PCDHA11: variants seen among roughly 807,000 people sequenced by gnomAD.
PCDHA11 encodes protocadherin alpha-11.
Under a neutral mutation model 70.3 loss-of-function variants are expected in PCDHA11, and 61 were observed. The observed-to-expected ratio is 0.87, with a 90% CI of 0.71 to 1.07. The LOEUF is 1.07. Ranked by LOEUF, PCDHA11 falls within the 50% of genes least tolerant of loss-of-function variation. The pLI is 0.00. For missense variants in PCDHA11, 1,324 were observed against 1,237.5 expected, an observed-to-expected ratio of 1.07 and a Z score of -1.05; for synonymous variants, 633 against 555.1, an observed-to-expected ratio of 1.14 and a Z score of -1.97.
intron 1 of PCDHA11, chr5:140,966,215 A>G (rs1554228144): frequency 4.1e-6 from 1 of 244,868 alleles, no homozygotes; most frequent in Non-Finnish European, 7.7e-6. Flanking sequence ...CTTTTCCCAG[A>G]CTAATCTCCT....
intron 1 of PCDHA11, among the ~76,000 whole-genome samples, chr5:140,925,197 A>G (rs1259349657): frequency 1.3e-5 from 2 of 152,310 alleles, no homozygotes; most frequent in East Asian, 3.9e-4. Context: ...CCCAGCTTCA[A>G]TAATTATCGA....
chr5:140,903,431 A>G (rs1431018780), intron 1 of PCDHA11, among the ~76,000 whole-genome samples: 3 of 152,242 alleles, frequency 2.0e-5, no homozygotes, highest in South Asian at 2.1e-4. Context: ...CACAATATGT[A>G]TCAGTGGAAT....
intron 1 of PCDHA11, chr5:140,967,461 G>A (rs782466677): frequency 6.8e-6 from 11 of 1,613,572 alleles, no homozygotes; most frequent in Non-Finnish European, 8.5e-6. Context: ...GCCGTGGATG[G>A]GGGCATCCCA....
At chr5:140,912,220 C>T (rs1360868463) in intron 1 of PCDHA11, among the ~76,000 whole-genome samples, 1 of 151,800 alleles carries the variant, frequency 6.6e-6, no homozygotes, top group African/African-American at 2.4e-5. Flanking sequence ...ATCTGCCTTT[C>T]CCAGTCCACT....
intron 1 of PCDHA11, among the ~76,000 whole-genome samples, chr5:140,914,012 G>A (rs2153528687): frequency 6.6e-6 from 1 of 152,234 alleles, no homozygotes; most frequent in Admixed American, 6.5e-5. Context: ...CTATCTTTGA[G>A]AATGATCCAC....
intron 1 of PCDHA11, among the ~76,000 whole-genome samples, chr5:140,959,643 G>A (rs246006): frequency 0.56 from 85,684 of 152,026 alleles, 24,754 homozygotes; most frequent in African/African-American, 0.69. Flanking sequence ...AAAAAACACA[G>A]AAGCAAAATT....
Position 140,868,975 on chromosome 5 carries a change from A to G in PCDHA11, c.-129A>G, listed in dbSNP as rs1379610882. 4.1e-6 allele frequency: 6 copies of G among 1,479,060 alleles called. No individual in the cohort carries two copies. The South Asian group carries it at 7.0e-5, about 17-fold the overall frequency. The allele number at this position is 1,479,060 out of a possible 1,614,324, so 91.6% of individuals were successfully genotyped here. A position where few individuals can be genotyped will look rare whatever the true frequency, so the allele number is the denominator to read the frequency against. The stretch of plus-strand genomic sequence containing the variant: ...CACTCCCATACAAAGGAACTCCATC[A>G]TACCGGATGCCACCGTTTAAGGATC... On this transcript the variant is annotated 5_prime_UTR_variant, in exon 1 of 4. Transcript: ENST00000398640.
chr5:140,953,002 T>C (rs1019745922), intron 1 of PCDHA11, among the ~76,000 whole-genome samples: 5 of 152,142 alleles, frequency 3.3e-5, no homozygotes, highest in African/African-American at 1.2e-4. Flanking sequence ...ACTCTCTCAC[T>C]ATTATGAGAA....
intron 1 of PCDHA11, chr5:140,928,017 C>T (rs782665827): frequency 1.2e-6 from 2 of 1,614,064 alleles, no homozygotes; most frequent in East Asian, 4.5e-5. Flanking sequence ...ATGGTAGGGT[C>T]ATTTGTGGCA....
chr5:140,874,403 T>A (rs1013177734), intron 1 of PCDHA11, among the ~76,000 whole-genome samples: 2 of 152,198 alleles, frequency 1.3e-5, no homozygotes, highest in African/African-American at 4.8e-5. Context: ...TGCATAACAG[T>A]CACCATTCTG....
chr5:140,937,648 CACGCCTGTAATCCCAGCACT>C (rs1554211703), intron 1 of PCDHA11, among the ~76,000 whole-genome samples: 3 of 150,626 alleles, frequency 2.0e-5, no homozygotes, highest in South Asian at 4.2e-4. Flanking sequence ...CATGGTGGCT[CACGCCTGTAATCCCAGCACT>C]TTGGGAGGCT....
chr5:140,954,698 A>C (rs185399105), intron 1 of PCDHA11, among the ~76,000 whole-genome samples: 5 of 152,208 alleles, frequency 3.3e-5, no homozygotes, highest in African/African-American at 1.2e-4. Context: ...TAGACTACAA[A>C]ATTTTTCTCC....
chr5:140,869,814 C>A lies in PCDHA11; in HGVS notation c.711C>A (p.Asp237Glu). Residue 237 changes from aspartate (D) to glutamate (E), a missense_variant, in exon 1 of 4, where the codon GAC becomes GAA. Asp to Glu is a conservative substitution (Grantham distance 45). Coordinates refer to ENST00000398640, the MANE Select transcript of PCDHA11 (RefSeq NM_018902.5). ...RLLVQVLDVN[D>E]NDPEFDKSEY... ...TAGTCCAAGTCTTGGATGTCAACGACAATGATCCAGAGTTTGATAAATCAG... is the reference window on the plus strand; with the variant it reads ...TAGTCCAAGTCTTGGATGTCAACGAAAATGATCCAGAGTTTGATAAATCAG... 2.5e-6 allele frequency: 4 copies of A among 1,612,258 alleles called. No homozygotes were observed. Among genetic ancestry groups the A allele is most frequent in the Non-Finnish European group, 3.4e-6 (4 of 1,179,220 alleles).
intron 3 of PCDHA11, 116 bp from the exon 4 acceptor site, chr5:141,009,511 G>A (rs2098410295): frequency 2.7e-5 from 41 of 1,498,054 alleles, no homozygotes; most frequent in Admixed American, 9.3e-5. Context: ...CAAACAACTC[G>A]TGATTTTTCT....
intron 1 of PCDHA11, among the ~76,000 whole-genome samples, chr5:140,897,588 T>C (rs1554187466): frequency 6.6e-6 from 1 of 152,172 alleles, no homozygotes; most frequent in African/African-American, 2.4e-5. Flanking sequence ...CAGTCTGTCA[T>C]TGTTGGACAT....
chr5:140,985,494 C>G (rs1217361161), intron 3 of PCDHA11, among the ~76,000 whole-genome samples: 2 of 152,136 alleles, frequency 1.3e-5, no homozygotes, highest in Non-Finnish European at 2.9e-5. Flanking sequence ...TCAAATAGAG[C>G]CTGCCTTTCA....
chr5:140,934,040 T>C (rs185239175), intron 1 of PCDHA11, among the ~76,000 whole-genome samples: 230 of 152,238 alleles, frequency 1.5e-3, no homozygotes, highest in African/African-American at 5.3e-3. Flanking sequence ...ATTAATGATA[T>C]TAGTCTTTCC....
At chr5:140,908,348 T>C (rs977122453) in intron 1 of PCDHA11, among the ~76,000 whole-genome samples, 43 of 152,160 alleles carry the variant, frequency 2.8e-4, no homozygotes, top group Non-Finnish European at 5.3e-4. Flanking sequence ...CACTACCTCA[T>C]GTAACTTACT....
At chr5:140,940,498 C>T (rs185491489) in intron 1 of PCDHA11, among the ~76,000 whole-genome samples, 7 of 151,984 alleles carry the variant, frequency 4.6e-5, no homozygotes, top group Non-Finnish European at 8.8e-5. Flanking sequence ...AGTCTTGCTC[C>T]GTCGCTCAGG....
Sources: allele counts gnomAD v4.1 joint callset (sites outside exome capture counted in the v4.1 genomes callset), GRCh38; gene constraint gnomAD v4.1.1; transcripts MANE v1.5; gene names NCBI Gene and HGNC (gene_info 2026-07-23, HGNC 2026-07-21).